The following UPP2 variants were observed in gnomAD, a reference collection of about 807,000 sequenced individuals.
UPP2 encodes uridine phosphorylase 2, also known as UPase 2.
UPP2 carries 23 observed loss-of-function variants against 26.7 expected under a neutral mutation model. The observed-to-expected ratio is 0.86, with a 90% confidence interval of 0.62 to 1.22. UPP2 has a LOEUF of 1.22. Among genes scored for constraint, UPP2 ranks in the 50% most tolerant of loss-of-function variants. UPP2 has a pLI of 0.00. For missense variants in UPP2, 387 were observed against 396.7 expected, an observed-to-expected ratio of 0.98 and a Z score of 0.21; for synonymous variants, 127 against 141.3, an observed-to-expected ratio of 0.90 and a Z score of 0.72.
chr2:158,076,170 T>G (rs1484963324), intron 3 of UPP2, among the ~76,000 whole-genome samples: 1 of 151,766 alleles, frequency 6.6e-6, no homozygotes, highest in African/African-American at 2.4e-5. Context: ...AAGATCGAAG[T>G]TGTAATACAA....
rs950425300 is a variant in UPP2 at position 158,050,518 on chromosome 2, C to T, written c.147+34632C>T. Among the ~76,000 whole-genome samples the T allele has an allele frequency of 2.7e-5, 4 of 150,532 alleles. No individual in the cohort carries two copies. The South Asian group carries it at 8.4e-4, about 32-fold the overall frequency. ...AGACCTTAGAATAAGAAGGATCTAGCTAGGTGTGATGATATACACCTGTAG... is the reference window on the plus strand; with the variant it reads ...AGACCTTAGAATAAGAAGGATCTAGTTAGGTGTGATGATATACACCTGTAG... On this transcript the variant is annotated intron_variant, in intron 3 of 9. Transcript: ENST00000605860.
At chr2:158,113,232 T>C (rs367583801) in intron 2 of UPP2, among the ~76,000 whole-genome samples, 3 of 152,232 alleles carry the variant, frequency 2.0e-5, no homozygotes, top group East Asian at 3.8e-4. Context: ...ACATCTGTTT[T>C]GGTTTTATGG....
chr2:158,050,778 C>T (rs573082837), intron 3 of UPP2, among the ~76,000 whole-genome samples: 1 of 152,026 alleles, frequency 6.6e-6, no homozygotes, highest in Non-Finnish European at 1.5e-5. Context: ...GGGTGGAACT[C>T]GAAAGCAGAT....
intron 3 of UPP2, among the ~76,000 whole-genome samples, chr2:158,089,318 C>T (rs1682869519): frequency 6.6e-6 from 1 of 152,142 alleles, no homozygotes; most frequent in African/African-American, 2.4e-5. Flanking sequence ...TGACTGGGCT[C>T]ACTCCCACCG....
chr2:158,095,758 C>T (rs1208579514), intron 3 of UPP2, among the ~76,000 whole-genome samples: 1 of 152,036 alleles, frequency 6.6e-6, no homozygotes, highest in African/African-American at 2.4e-5. Flanking sequence ...ATGCTATTAG[C>T]CACTGTTGTT....
At chr2:158,097,156 A>G (rs1339479432), upstream of UPP2, among the ~76,000 whole-genome samples, 1 of 152,156 alleles carries the variant, frequency 6.6e-6, no homozygotes, top group Non-Finnish European at 1.5e-5. Context: ...AACTTAGCAC[A>G]TAGTAGGTGC....
At chr2:158,025,679 A>C (rs1293475082) in intron 3 of UPP2, among the ~76,000 whole-genome samples, 1 of 152,216 alleles carries the variant, frequency 6.6e-6, no homozygotes, top group Non-Finnish European at 1.5e-5. Context: ...ATGGCATCAG[A>C]CCAGCAGAGA....
In UPP2 at chr2:158,122,551, A is replaced by G. The variant is rs564733057; in HGVS notation, c.664+933A>G. On this transcript the variant is annotated intron_variant, in intron 5 of 6. Transcript: ENST00000005756. ...CTCGAGGGTCACTCACTGATATGTT[A>G]AAGCAGAATTTGCAAATGGAAGCTT... Among the ~76,000 whole-genome samples the G allele has an allele frequency of 1.1e-3, 172 of 152,198 alleles. 2 individuals carry two copies. The highest frequency in any genetic ancestry group is 3.9e-3 in the African/African-American group (164 of 41,558).
At chr2:158,032,242 A>G (rs1241372239) in intron 3 of UPP2, among the ~76,000 whole-genome samples, 1 of 152,124 alleles carries the variant, frequency 6.6e-6, no homozygotes, top group Admixed American at 6.6e-5. Flanking sequence ...TAGCTATTCA[A>G]TATTGGAGTG....
At chr2:157,996,402 GT>G (rs1190609236) in intron 2 of UPP2, among the ~76,000 whole-genome samples, 1 of 151,932 alleles carries the variant, frequency 6.6e-6, no homozygotes, top group African/African-American at 2.4e-5. Context: ...CCTAGAACTT[GT>G]TTACTCCCTA....
rs899592174 is a variant in UPP2 at position 158,063,396 on chromosome 2, A to G, written c.148-38644A>G. On this transcript the variant is annotated intron_variant, in intron 3 of 9. Coordinates refer to the UPP2 transcript ENST00000605860. ...GTACTCAAATATTTTTGAATAAGTA[A>G]AAGAATCAGGATTATACCTTGTAGT... Among the ~76,000 whole-genome samples, 13 of 152,310 alleles carry G rather than the reference A, an allele frequency of 8.5e-5. 1 individual carries two copies. The South Asian group carries it at 2.7e-3, about 32-fold the overall frequency.
chr2:158,097,685 C>CG (rs1683009787), upstream of UPP2, among the ~76,000 whole-genome samples: 3 of 152,158 alleles, frequency 2.0e-5, no homozygotes, highest in Admixed American at 2.0e-4. Flanking sequence ...CACCAACCCT[C>CG]GGGGGAAGGT....
chr2:158,030,490 G>T (rs1252698921), intron 3 of UPP2, among the ~76,000 whole-genome samples: 1 of 152,118 alleles, frequency 6.6e-6, no homozygotes, highest in Admixed American at 6.5e-5. Flanking sequence ...TCTGTTCTGT[G>T]TAAGTTTGTG....
chr2:158,052,600 A>C (rs549383263), intron 3 of UPP2, among the ~76,000 whole-genome samples: 163 of 152,314 alleles, frequency 1.1e-3, no homozygotes, highest in Non-Finnish European at 1.6e-3. Context: ...GTTGCCATAT[A>C]TTAGCTCTGT....
intron 3 of UPP2, among the ~76,000 whole-genome samples, chr2:158,037,842 TG>T (rs1310129270): frequency 3.3e-5 from 2 of 60,338 alleles, no homozygotes; most frequent in South Asian, 5.9e-4. Flanking sequence ...TTGCATTTTT[TG>T]GGGGGTGGGG....
chr2:158,062,155 T>C (rs1682362431), intron 3 of UPP2, among the ~76,000 whole-genome samples: 1 of 152,276 alleles, frequency 6.6e-6, no homozygotes, highest in Admixed American at 6.5e-5. Context: ...TGCTGACTAC[T>C]GCTGTCTAAT....
chr2:158,064,255 C>T (rs1187074465), intron 3 of UPP2, among the ~76,000 whole-genome samples: 1 of 152,226 alleles, frequency 6.6e-6, no homozygotes, highest in Non-Finnish European at 1.5e-5. Flanking sequence ...TCTCCAGCAT[C>T]TGTTGTTTCC....
chr2:158,037,103 G>A (rs186549495), intron 3 of UPP2, among the ~76,000 whole-genome samples: 13 of 152,252 alleles, frequency 8.5e-5, no homozygotes, highest in African/African-American at 3.1e-4. Context: ...GGCTGGGTGT[G>A]GTGGCTCACA....
In UPP2 at chr2:158,130,462, CA is replaced by C. The variant is rs11461708; in HGVS notation, c.812-4274del. ...CAAGAATCCGTCTCAAAAAAAAAAA[CA>C]AAAAAAAAAAACCACTGTGCATTAT... On this transcript the variant is annotated intron_variant, in intron 6 of 6. Transcript: ENST00000005756. 8.2e-4 allele frequency among the ~76,000 whole-genome samples: 62 copies of C among 75,856 alleles called. 1 individual carries two copies. The East Asian group carries it at 0.015, about 18-fold the overall frequency. 49.8% of individuals were successfully genotyped at this position (75,856 alleles called of 152,430 possible).
Sources: gnomAD v4.1 joint callset for allele counts (sites outside exome capture counted in the v4.1 genomes callset) on GRCh38, gnomAD v4.1.1 for gene constraint, MANE v1.5 for transcripts, NCBI Gene and HGNC (gene_info 2026-07-23, HGNC 2026-07-21) for gene names.